TFCP2: variants seen among roughly 807,000 people sequenced by gnomAD.
The protein encoded by TFCP2 is transcription factor CP2, also known as alpha-globin transcription factor CP2.
TFCP2 carries 33 observed loss-of-function variants against 73.4 expected under a neutral mutation model. The observed-to-expected ratio is 0.45, with a 90% CI of 0.34 to 0.60. The LOEUF (loss-of-function observed/expected upper bound fraction) is 0.60, where lower values mean the gene tolerates loss of function less well. Ranked by LOEUF, TFCP2 falls within the 20% of genes least tolerant of loss-of-function variation. The pLI is 0.01. For synonymous variants in TFCP2, 193 were observed against 211.6 expected, an observed-to-expected ratio of 0.91 and a Z score of 0.76; for missense variants, 352 against 604.0, an observed-to-expected ratio of 0.58 and a Z score of 4.37.
intron 1 of TFCP2, among the ~76,000 whole-genome samples, chr12:51,165,412 G>C (rs1338313856): frequency 1.3e-5 from 2 of 150,600 alleles, no homozygotes; most frequent in African/African-American, 2.5e-5. Flanking sequence ...ACACAGAAAA[G>C]ATATTTGAAA....
intron 1 of TFCP2, among the ~76,000 whole-genome samples, chr12:51,151,442 T>C (rs1160519233): frequency 6.6e-6 from 1 of 152,140 alleles, no homozygotes; most frequent in African/African-American, 2.4e-5. Flanking sequence ...AATTTTTTGT[T>C]GTTATTGTTG....
chr12:51,114,243 C>CA (rs202116702), intron 4 of TFCP2, among the ~76,000 whole-genome samples: 7 of 151,742 alleles, frequency 4.6e-5, no homozygotes, highest in African/African-American at 9.7e-5. Context: ...AACTCAATAA[C>CA]AAAAAAAACA....
chr12:51,170,339 C>CTTTT (rs1330594405), intron 1 of TFCP2, among the ~76,000 whole-genome samples: 4 of 108,698 alleles, frequency 3.7e-5, no homozygotes, highest in African/African-American at 8.1e-5. Flanking sequence ...TTTTTAAAAT[C>CTTTT]TTTCTTTTTT....
At chr12:51,135,725 G>T (rs1352197649) in intron 1 of TFCP2, among the ~76,000 whole-genome samples, 1 of 151,816 alleles carries the variant, frequency 6.6e-6, no homozygotes, top group Non-Finnish European at 1.5e-5. Flanking sequence ...ATAATGAATG[G>T]ATTTGATCTC....
At chr12:51,121,263 G>C (rs912927742) in intron 1 of TFCP2, among the ~76,000 whole-genome samples, 1 of 151,714 alleles carries the variant, frequency 6.6e-6, no homozygotes, top group African/African-American at 2.4e-5. Flanking sequence ...TCCACTAAAA[G>C]TACAAAAATT....
chr12:51,157,479 T>C (rs1341307511), intron 1 of TFCP2, among the ~76,000 whole-genome samples: 2 of 151,232 alleles, frequency 1.3e-5, no homozygotes, highest in Non-Finnish European at 3.0e-5. Context: ...TTTTTTTGTA[T>C]AGACAGGGTC....
chr12:51,122,688 A>T (rs559330826), intron 1 of TFCP2, among the ~76,000 whole-genome samples: 1 of 152,178 alleles, frequency 6.6e-6, no homozygotes, highest in Non-Finnish European at 1.5e-5. Context: ...CTTCCTGTCC[A>T]TATTAATTTT....
rs114779872 is a variant in TFCP2 at position 51,157,838 on chromosome 12, G to A, written c.122+14463C>T. Among the ~76,000 whole-genome samples the A allele has an allele frequency of 2.5e-3, 376 of 151,322 alleles. 3 individuals carry two copies. The highest frequency in any genetic ancestry group is 8.4e-3 in the African/African-American group (347 of 41,310). ...CCCAAGTAGCTGGGATCATAGGCGTGTACTAATTTTTGTATTTTTAGTACA... is the reference window on the plus strand; with the variant it reads ...CCCAAGTAGCTGGGATCATAGGCGTATACTAATTTTTGTATTTTTAGTACA... On this transcript the variant is annotated intron_variant, in intron 1 of 14. Transcript: ENST00000257915.
chr12:51,095,920 G>A, intron 14 of TFCP2, 69 bp downstream of exon 14: 2 of 1,223,400 alleles, frequency 1.6e-6, no homozygotes, highest in Non-Finnish European at 2.3e-6. Context: ...CCTCAAAGAA[G>A]TATGTACTTT....
Position 51,172,748 on chromosome 12 carries a change from G to A in TFCP2, c.-326C>T, listed in dbSNP as rs1406902998. The A allele has an allele frequency of 9.4e-6, 2 of 213,116 alleles. No individual in the cohort carries two copies. Among genetic ancestry groups the A allele is most frequent in the African/African-American group, 2.3e-5 (1 of 43,618 alleles). The allele number at this position is 213,116 out of a possible 1,614,324, so 13.2% of individuals were successfully genotyped here. On this transcript the variant is annotated 5_prime_UTR_variant, in exon 1 of 15. Transcript: ENST00000257915. The stretch of plus-strand genomic sequence containing the variant: ...CTCCCACTCCTCTTGAGAGTTCGTA[G>A]TGGTGGCTTGCTGCTTCCCAGTCAG...
chr12:51,172,191 TA>T, intron 1 of TFCP2, 109 bp downstream of exon 1: 1 of 1,454,058 alleles, frequency 6.9e-7, no homozygotes, highest in Non-Finnish European at 9.3e-7. Context: ...TCCCCAATCG[TA>T]AACAGCTTTT....
chr12:51,096,565 C>T (rs957902668), intron 13 of TFCP2, among the ~76,000 whole-genome samples: 5 of 152,192 alleles, frequency 3.3e-5, no homozygotes, highest in Non-Finnish European at 7.3e-5. Flanking sequence ...AATAACTGAG[C>T]AATAGACCCT....
At chr12:51,099,906 T>C in intron 11 of TFCP2, 127 bp from the exon 12 acceptor site, 1 of 1,161,032 alleles carries the variant, frequency 8.6e-7, no homozygotes, top group Non-Finnish European at 1.2e-6. Context: ...ATTGGCCAAA[T>C]GCAATTAATT....
chr12:51,136,163 G>C (rs1592818274), intron 1 of TFCP2, among the ~76,000 whole-genome samples: 2 of 152,106 alleles, frequency 1.3e-5, no homozygotes, highest in East Asian at 3.9e-4. Flanking sequence ...AAAAATTTTA[G>C]CCAGGTGTGG....
intron 1 of TFCP2, among the ~76,000 whole-genome samples, chr12:51,163,360 C>A (rs562198919): frequency 1.3e-5 from 2 of 152,228 alleles, no homozygotes; most frequent in East Asian, 3.9e-4. Context: ...GAGGCCAAGG[C>A]GGACAGATCA....
intron 13 of TFCP2, 138 bp downstream of exon 13, chr12:51,098,637 AT>A: frequency 6.0e-6 from 6 of 993,600 alleles, no homozygotes; most frequent in South Asian, 3.6e-5. Flanking sequence ...AAAAAAAAAA[AT>A]TAGGAGGAAA....
chr12:51,149,964 C>T (rs1195270532), intron 1 of TFCP2, among the ~76,000 whole-genome samples: 1 of 152,134 alleles, frequency 6.6e-6, no homozygotes, highest in Non-Finnish European at 1.5e-5. Context: ...TGACTGTGTA[C>T]ACTCTAGGCA....
intron 1 of TFCP2, among the ~76,000 whole-genome samples, chr12:51,149,305 T>C (rs1566226965): frequency 6.6e-6 from 1 of 151,994 alleles, no homozygotes; most frequent in Admixed American, 6.6e-5. Flanking sequence ...TAAAAGACTA[T>C]ACATTGGGTA....
intron 1 of TFCP2, among the ~76,000 whole-genome samples, chr12:51,158,552 G>A (rs763178277): frequency 1.1e-4 from 17 of 151,916 alleles, no homozygotes; most frequent in Admixed American, 5.2e-4. Context: ...GCAGTGGCAC[G>A]ATCTCGGCTC....
Sources: allele counts gnomAD v4.1 joint callset (sites outside exome capture counted in the v4.1 genomes callset), GRCh38; gene constraint gnomAD v4.1.1; transcripts MANE v1.5; gene names NCBI Gene and HGNC (gene_info 2026-07-23, HGNC 2026-07-21).